TRIM22: variants seen among roughly 807,000 people sequenced by gnomAD.
TRIM22 encodes E3 ubiquitin-protein ligase TRIM22.
Under a neutral mutation model 53.6 loss-of-function variants are expected in TRIM22, and 45 were observed. That is an observed-to-expected ratio of 0.84 (90% CI 0.66 to 1.08). TRIM22 has a LOEUF of 1.08. TRIM22 is among the 50% of genes least tolerant of loss of function. The pLI is 0.00. For missense variants in TRIM22, 616 were observed against 590.9 expected (o/e 1.04, Z -0.44); for synonymous variants, 225 against 216.6 (o/e 1.04, Z -0.34).
At chr11:5,706,288 T>A (rs1003652353) in intron 4 of TRIM22, among the ~76,000 whole-genome samples, 3 of 152,176 alleles carry the variant, frequency 2.0e-5, no homozygotes, top group African/African-American at 7.2e-5. Flanking sequence ...TCTGTGACCA[T>A]CTATTTATTC....
chr11:5,699,641 A>G (rs1298329505), intron 4 of TRIM22, among the ~76,000 whole-genome samples: 3 of 147,726 alleles, frequency 2.0e-5, no homozygotes, highest in African/African-American at 7.4e-5. Flanking sequence ...CTCACTTTAT[A>G]TGAGTAACAA....
At chr11:5,690,394 A>G (rs1853153928) in intron 1 of TRIM22, among the ~76,000 whole-genome samples, 1 of 152,010 alleles carries the variant, frequency 6.6e-6, no homozygotes, top group South Asian at 2.1e-4. Flanking sequence ...TCTAAACTAG[A>G]CTCAGTTGGC....
chr11:5,694,846 G>A (rs929573393), intron 1 of TRIM22, among the ~76,000 whole-genome samples: 3 of 152,074 alleles, frequency 2.0e-5, no homozygotes, highest in Non-Finnish European at 4.4e-5. Context: ...GTGAGGTCAT[G>A]GGAGGACTTG....
chr11:5,696,239 T>A lies in TRIM22; in HGVS notation c.7T>A (p.Phe3Ile). The change falls in exon 2 of 8, where the codon TTC becomes ATC. Residue 3 changes from phenylalanine (F) to isoleucine (I), a missense_variant. Coordinates refer to ENST00000379965, the MANE Select transcript of TRIM22 (RefSeq NM_006074.5). ...AAGCCAAGGGAGCAGTGCAATGGAT[T>A]TCTCAGTAAAGGTAGACATAGAGAA... The part of the protein sequence containing the change: MD[F>I]SVKVDIEKEV... The A allele has an allele frequency of 6.2e-7, 1 of 1,607,278 alleles. No individual in the cohort carries two copies.
intron 7 of TRIM22, 114 bp downstream of exon 7, chr11:5,708,717 T>TA: frequency 4.5e-5 from 2 of 44,138 alleles, no homozygotes; most frequent in Non-Finnish European, 3.9e-5. Context: ...CATGTAGTTC[T>TA]TTTTTTTTTT....
chr11:5,703,639 C>A (rs1368453045), intron 4 of TRIM22, among the ~76,000 whole-genome samples: 1 of 152,008 alleles, frequency 6.6e-6, no homozygotes, highest in Non-Finnish European at 1.5e-5. Context: ...CCCACCTCAG[C>A]CTCCCAAAGT....
chr11:5,696,921 A>G (rs11038746), intron 2 of TRIM22: 278,981 of 516,316 alleles, frequency 0.54, 78,597 homozygotes, highest in Non-Finnish European at 0.59. Flanking sequence ...TTGCCCCTCC[A>G]AGAAGAACAG....
chr11:5,698,584 G>A, intron 4 of TRIM22, 39 bp downstream of exon 4: 1 of 1,528,258 alleles, frequency 6.5e-7, no homozygotes. Context: ...AGAGATTAGG[G>A]GAAAAACACA....
chr11:5,708,960 C>T (rs933217112), intron 7 of TRIM22, 93 bp from the exon 8 acceptor site: 19 of 1,003,384 alleles, frequency 1.9e-5, no homozygotes, highest in Admixed American at 4.5e-5. Flanking sequence ...CGTTTGATAT[C>T]GACACAAGTT....
Position 5,696,675 on chromosome 11 carries a change from AAG to A in TRIM22, c.423+27_423+28del. The A allele has an allele frequency of 2.5e-6, 4 of 1,592,584 alleles. No individual in the cohort carries two copies. Among genetic ancestry groups the A allele is most frequent in the Non-Finnish European group, 2.6e-6 (3 of 1,173,162 alleles). On this transcript the variant is annotated intron_variant, in intron 2 of 7. Coordinates refer to ENST00000379965, the MANE Select transcript of TRIM22 (RefSeq NM_006074.5). ...TGTCAGGTAGGCTCCAAGATAGAGG[AAG>A]AGAGAGCAGAGAGCAGAAGATGGTA...
chr11:5,708,545 T>C (rs1853500275), intron 6 of TRIM22, 32 bp from the exon 7 acceptor site: 1 of 1,594,374 alleles, frequency 6.3e-7, no homozygotes, highest in Admixed American at 1.8e-5. Flanking sequence ...TATTTGCTTC[T>C]AACAACATCA....
rs779637948 is a variant in TRIM22, at chr11:5,697,239, T to C, written c.424-9T>C. 47 of 1,597,254 alleles carry C rather than the reference T, an allele frequency of 2.9e-5. 1 individual carries two copies. In the South Asian group the frequency reaches 4.7e-4, roughly 16 times the overall value. The stretch of plus-strand genomic sequence containing the variant: ...ATAACTTTACTCTGGTATAATTTAT[T>C]TCTTACAGGAAAAGCTGCAGGTAGC... On this transcript the variant is annotated splice_polypyrimidine_tract_variant and intron_variant, in intron 2 of 7. Coordinates refer to ENST00000379965, the MANE Select transcript of TRIM22 (RefSeq NM_006074.5).
Position 5,709,856 on chromosome 11 carries a change from C to T in TRIM22, c.*208C>T, listed in dbSNP as rs1337026424. 3.6e-6 allele frequency: 2 copies of T among 549,554 alleles called. No individual in the cohort carries two copies. Among genetic ancestry groups the T allele is most frequent in the Admixed American group, 6.7e-5 (2 of 29,996 alleles). The allele number at this position is 549,554 out of a possible 1,614,324, so 34.0% of individuals were successfully genotyped here. A position where few individuals can be genotyped will look rare whatever the true frequency, so the allele number is the denominator to read the frequency against. ...TGTAATTGTATTGCCGTACTGTGGGCTGGAAATCCCAAATCTAGATTCCAG... is the reference window on the plus strand; with the variant it reads ...TGTAATTGTATTGCCGTACTGTGGGTTGGAAATCCCAAATCTAGATTCCAG... On this transcript the variant is annotated 3_prime_UTR_variant, in exon 8 of 8. Coordinates refer to ENST00000379965, the MANE Select transcript of TRIM22 (RefSeq NM_006074.5).
intron 3 of TRIM22, 58 bp downstream of exon 3, chr11:5,697,401 C>A (rs1853284791): frequency 1.5e-6 from 2 of 1,315,624 alleles, no homozygotes; most frequent in African/African-American, 1.5e-5. Context: ...GGACCCTGGG[C>A]TCTATCACAA....
chr11:5,698,745 T>C lies in TRIM22; in HGVS notation c.750+200T>C, dbSNP rs540650042. On this transcript the variant is annotated intron_variant, in intron 4 of 7. Coordinates refer to ENST00000379965, the MANE Select transcript of TRIM22 (RefSeq NM_006074.5). ...GTATGAATGGGAAGGGAAATTCCCA[T>C]TATTATTCACTTATGAGAGCAGTGT... Among the ~76,000 whole-genome samples the C allele has an allele frequency of 1.4e-3, 219 of 152,334 alleles. 1 individual carries two copies. Among genetic ancestry groups the C allele is most frequent in the African/African-American group, 5.0e-3 (209 of 41,580 alleles).
chr11:5,702,333 CTAA>C (rs961099860), intron 4 of TRIM22, among the ~76,000 whole-genome samples: 28 of 140,352 alleles, frequency 2.0e-4, no homozygotes, highest in Admixed American at 1.1e-3. Flanking sequence ...ACTAATATAA[CTAA>C]TAATAATATA....
chr11:5,690,101 A>G (rs1410583063), intron 1 of TRIM22, among the ~76,000 whole-genome samples: 1 of 152,264 alleles, frequency 6.6e-6, no homozygotes, highest in African/African-American at 2.4e-5. Context: ...AGAGGTTTGC[A>G]AAAGCAAAAA....
At chr11:5,706,565 T>C in intron 4 of TRIM22, 29 bp from the exon 5 acceptor site, 1 of 1,611,066 alleles carries the variant, frequency 6.2e-7, no homozygotes, top group East Asian at 2.2e-5. Context: ...CAACCCTATC[T>C]TGACTCATGT....
chr11:5,702,041 G>A lies in TRIM22; in HGVS notation c.750+3496G>A, dbSNP rs543428630. On this transcript the variant is annotated intron_variant, in intron 4 of 7. Transcript: ENST00000379965. ...TTATTCAATTTTCTTTCCTCTCTTAGCTTATTAGTTATATATTACTAATAT... is the reference window on the plus strand; with the variant it reads ...TTATTCAATTTTCTTTCCTCTCTTAACTTATTAGTTATATATTACTAATAT... 1.8e-3 allele frequency among the ~76,000 whole-genome samples: 263 copies of A among 144,164 alleles called. 1 individual carries two copies. Among genetic ancestry groups the A allele is most frequent in the Middle Eastern group, 8.1e-3 (2 of 248 alleles). The allele number at this position is 144,164 out of a possible 152,430, so 94.6% of individuals were successfully genotyped here.
Sources: gnomAD v4.1 joint callset for allele counts (sites outside exome capture counted in the v4.1 genomes callset) on GRCh38, gnomAD v4.1.1 for gene constraint, MANE v1.5 for transcripts, NCBI Gene and HGNC (gene_info 2026-07-23, HGNC 2026-07-21) for gene names.